The following CHD2 variants were observed in gnomAD, a reference collection of about 807,000 sequenced individuals.
CHD2 encodes ATP-dependent chromatin remodeler CHD2.
A neutral mutation model predicts 243.9 loss-of-function variants in CHD2; 28 were observed. That is an observed-to-expected ratio of 0.11 (90% CI 0.09 to 0.16). The LOEUF (loss-of-function observed/expected upper bound fraction) is 0.16. Among genes scored for constraint, CHD2 ranks in the 10% least tolerant of loss-of-function variants. CHD2 has a pLI of 1.00. For synonymous variants in CHD2, 775 were observed against 779.0 expected (o/e 0.99, Z 0.09); for missense variants, 1,386 against 2,209.8 (o/e 0.63, Z 7.47).
At chr15:92,903,833 T>C (rs1002800468) in intron 2 of CHD2, among the ~76,000 whole-genome samples, 1 of 152,240 alleles carries the variant, frequency 6.6e-6, no homozygotes, top group Non-Finnish European at 1.5e-5. Flanking sequence ...CCAAATCGTC[T>C]GCCTTTGAGC....
intron 26 of CHD2, among the ~76,000 whole-genome samples, chr15:92,990,427 G>A: frequency 6.6e-6 from 1 of 152,194 alleles, no homozygotes; most frequent in East Asian, 1.9e-4. Flanking sequence ...TGACAATACT[G>A]ATTGTGACCG....
intron 19 of CHD2, 72 bp downstream of exon 19, chr15:92,972,489 C>T (rs1442590385): frequency 3.8e-6 from 5 of 1,333,024 alleles, no homozygotes; most frequent in East Asian, 2.4e-5. Context: ...AACCTTCCTA[C>T]ACTGGGTTGT....
intron 19 of CHD2, chr15:92,973,908 C>T (rs897457040): frequency 2.0e-5 from 3 of 152,192 alleles, no homozygotes; most frequent in East Asian, 1.9e-4. Flanking sequence ...GTTTAAGGCT[C>T]TGAGTAGAGT....
Position 92,997,507 on chromosome 15 carries a change from A to C in CHD2, c.3885+104A>C. The C allele has an allele frequency of 9.8e-7, 1 of 1,019,780 alleles. No homozygotes were observed. Among genetic ancestry groups the C allele is most frequent in the Admixed American group, 3.3e-5 (1 of 30,468 alleles). The allele number at this position is 1,019,780 out of a possible 1,614,324, so 63.2% of individuals were successfully genotyped here. On this transcript the variant is annotated intron_variant, in intron 30 of 38. Coordinates refer to ENST00000394196, the MANE Select transcript of CHD2 (RefSeq NM_001271.4). This position sits in a 1 kb window ranked among gnomAD's most constrained non-coding sequence, Gnocchi z 4.1. ...ATTTTCGAGGGGGCATCAAATTAGA[A>C]ATTAGTATAGTCATTCTTGGAAATA... is the stretch of plus-strand genomic sequence containing the variant.
chr15:92,969,255 T>A (rs1056461862), intron 17 of CHD2, among the ~76,000 whole-genome samples: 1 of 152,350 alleles, frequency 6.6e-6, no homozygotes, highest in South Asian at 2.1e-4. Flanking sequence ...CTGGCTAATA[T>A]TCTGTTGCCT....
intron 8 of CHD2, among the ~76,000 whole-genome samples, chr15:92,942,491 A>G (rs1440007959): frequency 2.0e-5 from 3 of 146,862 alleles, no homozygotes; most frequent in Admixed American, 6.9e-5. Context: ...AGGTTGGAGG[A>G]GGATATTTTG....
chr15:92,957,020 C>T (rs1042454013), intron 16 of CHD2, among the ~76,000 whole-genome samples: 11 of 152,062 alleles, frequency 7.2e-5, no homozygotes, highest in African/African-American at 1.9e-4. Context: ...ATCTGATAAC[C>T]GAAGCATCAA....
At chr15:92,960,196 T>C (rs1331591992) in intron 16 of CHD2, among the ~76,000 whole-genome samples, 4 of 152,224 alleles carry the variant, frequency 2.6e-5, no homozygotes, top group Non-Finnish European at 4.4e-5. Flanking sequence ...TCCTGCAAAC[T>C]TGATAAACTT....
chr15:92,904,061 A>T (rs1468578697), intron 2 of CHD2, among the ~76,000 whole-genome samples: 1 of 152,230 alleles, frequency 6.6e-6, no homozygotes, highest in African/African-American at 2.4e-5. Flanking sequence ...AGAAATCTGA[A>T]ATACCAAAGC....
intron 35 of CHD2, among the ~76,000 whole-genome samples, chr15:93,010,410 ATTT>A (rs34163529): frequency 0.6 from 86,207 of 142,878 alleles, 26,449 homozygotes; most frequent in East Asian, 0.82. Flanking sequence ...ATGACTGGAA[ATTT>A]TTTTTTTTTT....
At chr15:92,940,982 AATATAT>A (rs1222659748) in intron 7 of CHD2, among the ~76,000 whole-genome samples, 82 of 125,786 alleles carry the variant, frequency 6.5e-4, no homozygotes, top group Middle Eastern at 3.7e-3. Flanking sequence ...TATAAATATA[AATATAT>A]ATATAAATAT....
At chr15:92,953,823 A>G (rs925175521) in intron 14 of CHD2, 1 of 448,492 alleles carries the variant, frequency 2.2e-6, no homozygotes, top group African/African-American at 2.0e-5. Flanking sequence ...GCAATATTAA[A>G]TTTTTCTTCT....
intron 17 of CHD2, among the ~76,000 whole-genome samples, chr15:92,969,147 G>C (rs1289761306): frequency 6.6e-6 from 1 of 152,094 alleles, no homozygotes; most frequent in African/African-American, 2.4e-5. Flanking sequence ...TGCTATTTTG[G>C]GTGTTGATTG....
At chr15:92,992,100 A>G (rs971081332) in intron 27 of CHD2, among the ~76,000 whole-genome samples, 2 of 152,250 alleles carry the variant, frequency 1.3e-5, no homozygotes, top group Non-Finnish European at 2.9e-5. Flanking sequence ...TAAAATCTAA[A>G]AAGCCCTAAT....
intron 17 of CHD2, 35 bp from the exon 18 acceptor site, chr15:92,971,730 G>T (rs1262233672): frequency 5.7e-6 from 9 of 1,568,946 alleles, no homozygotes; most frequent in Admixed American, 3.8e-5. Context: ...CTGTTTTTTT[G>T]TATCTAGTAG....
chr15:93,020,325 A>G (rs549458294), intron 38 of CHD2, 67 bp downstream of exon 38: 15 of 1,583,220 alleles, frequency 9.5e-6, no homozygotes, highest in Admixed American at 3.3e-5. Context: ...GGAGAAAGTG[A>G]CGTATACATG....
intron 26 of CHD2, among the ~76,000 whole-genome samples, chr15:92,989,426 C>T (rs1424742443): frequency 2.0e-5 from 3 of 152,312 alleles, no homozygotes; most frequent in African/African-American, 7.2e-5. Flanking sequence ...TCTCCCCTCC[C>T]AGCCATGTGT....
At chr15:92,927,555 A>G (rs912888403) in intron 4 of CHD2, among the ~76,000 whole-genome samples, 4 of 152,222 alleles carry the variant, frequency 2.6e-5, no homozygotes, top group Admixed American at 1.3e-4. Context: ...TTAGTAGAGT[A>G]TTATACAGAA....
At chr15:92,923,502 T>C (rs1169753496) in intron 2 of CHD2, among the ~76,000 whole-genome samples, 2 of 152,014 alleles carry the variant, frequency 1.3e-5, no homozygotes, top group Non-Finnish European at 2.9e-5. Flanking sequence ...TCAAGCAATC[T>C]TCCTGCCTAG....
Sources: allele counts gnomAD v4.1 joint callset (sites outside exome capture counted in the v4.1 genomes callset), GRCh38; gene constraint gnomAD v4.1.1; non-coding constraint Gnocchi (gnomAD v3.1); transcripts MANE v1.5; gene names NCBI Gene and HGNC (gene_info 2026-07-23, HGNC 2026-07-21).